Variants in MIA observed in about 807,000 individuals in gnomAD.
MIA encodes MIA SH3 domain containing.
In MIA, 18 loss-of-function variants were observed where a neutral mutation model predicts 18.5. That is an observed-to-expected ratio of 0.97 (90% CI 0.67 to 1.44). The LOEUF is 1.44. Ranked by LOEUF, MIA falls within the 40% of genes most tolerant of loss-of-function variation. The pLI is 0.00. For missense variants in MIA, 158 were observed against 172.4 expected, an observed-to-expected ratio of 0.92 and a Z score of 0.47; for synonymous variants, 55 against 64.9, an observed-to-expected ratio of 0.85 and a Z score of 0.74.
intron 2 of MIA, 149 bp downstream of exon 2, chr19:40,776,034 TA>T (rs2082993663): frequency 8.2e-7 from 1 of 1,221,022 alleles, no homozygotes; most frequent in African/African-American, 1.5e-5. Flanking sequence ...TATTATTTTT[TA>T]ATTTTTTCCG....
upstream of MIA, chr19:40,775,406 T>A: frequency 7.5e-7 from 1 of 1,328,552 alleles, no homozygotes. Context: ...TTCTAGGTGG[T>A]GTGGGCGAAG....
At chr19:40,776,943 C>T in intron 2 of MIA, 26 bp from the exon 3 acceptor site, 1 of 1,562,754 alleles carries the variant, frequency 6.4e-7, no homozygotes, top group Non-Finnish European at 8.8e-7. Context: ...CTTCCCAGAC[C>T]CTAGCTTTTA....
At chr19:40,775,513 C>T (rs765958883), upstream of MIA, 2 of 1,613,532 alleles carry the variant, frequency 1.2e-6, no homozygotes, top group Non-Finnish European at 1.7e-6. Context: ...CCCAGCACCC[C>T]CTTGCTCACT....
At chr19:40,775,419 T>A (rs530529866), upstream of MIA, 3 of 1,473,026 alleles carry the variant, frequency 2.0e-6, no homozygotes, top group African/African-American at 4.2e-5. Flanking sequence ...GGGCGAAGTT[T>A]GGGACTGGTT....
intron 3 of MIA, 106 bp downstream of exon 3, chr19:40,777,185 C>A: frequency 8.8e-7 from 1 of 1,140,376 alleles, no homozygotes; most frequent in Non-Finnish European, 1.3e-6. Flanking sequence ...TAGGTATGTG[C>A]GCTGGGAGAA....
chr19:40,775,274 G>A (rs929108250), upstream of MIA: 1 of 493,092 alleles, frequency 2.0e-6, no homozygotes, highest in African/African-American at 1.9e-5. Context: ...CTAGGCCTCT[G>A]TGATTGTTGA....
At chr19:40,777,191 G>A in intron 3 of MIA, 112 bp downstream of exon 3, 5 of 1,136,256 alleles carry the variant, frequency 4.4e-6, no homozygotes, top group Admixed American at 3.8e-5. Flanking sequence ...TGTGCGCTGG[G>A]AGAAATTCTT....
At chr19:40,776,764 G>T (rs2083000103) in intron 2 of MIA, 1 of 467,306 alleles carries the variant, frequency 2.1e-6, no homozygotes, top group Admixed American at 3.9e-5. Flanking sequence ...AATAATAAAA[G>T]CAAATATGCG....
upstream of MIA, chr19:40,775,477 G>A (rs963403689): frequency 1.2e-6 from 2 of 1,609,272 alleles, no homozygotes; most frequent in African/African-American, 2.7e-5. Flanking sequence ...TACTACGGGA[G>A]AGAGGGAGGG....
In MIA at chr19:40,775,900, A is replaced by G; in HGVS notation, c.261+15A>G. Reference sequence around the variant, plus strand: ...GGGGAGGCAGCGTGAGTCTTGGGAGAGTGAAAGAGGGAAGGGTACAGAGCT... The same window carrying G: ...GGGGAGGCAGCGTGAGTCTTGGGAGGGTGAAAGAGGGAAGGGTACAGAGCT... On this transcript the variant is annotated intron_variant, in intron 2 of 3. Transcript: ENST00000263369. 5 of 1,613,148 alleles carry G rather than the reference A, an allele frequency of 3.1e-6. No homozygotes were observed. Among genetic ancestry groups the G allele is most frequent in the South Asian group, 1.1e-5 (1 of 91,034 alleles).
chr19:40,777,215 T>A (rs2083003882), intron 3 of MIA, 136 bp downstream of exon 3: 1 of 1,094,948 alleles, frequency 9.1e-7, no homozygotes, highest in Non-Finnish European at 1.4e-6. Flanking sequence ...CTGCCTCAAT[T>A]TTCTCACCAG....
chr19:40,775,653 G>T lies in MIA; in HGVS notation c.111G>T (p.Ala37=). The change falls in exon 1 of 4, where the codon GCG becomes GCT. Residue 37 remains alanine, a synonymous_variant. Transcript: ENST00000263369. ...MPKLADRKLC[A]DQECSHPISM... is the part of the protein sequence containing the mutation. ...AGCTGGCTGACCGGAAGCTGTGTGC[G>T]GACCAGGAGTGCAGCCGTAAGAATG... 1 of 1,614,114 alleles carries T rather than the reference G, an allele frequency of 6.2e-7. No homozygotes were observed. Among genetic ancestry groups the T allele is most frequent in the Non-Finnish European group, 8.5e-7 (1 of 1,180,016 alleles).
intron 3 of MIA, 66 bp from the exon 4 acceptor site, chr19:40,777,331 A>G: frequency 1.3e-6 from 2 of 1,587,512 alleles, no homozygotes; most frequent in Non-Finnish European, 1.7e-6. Context: ...CTTTGCTAAA[A>G]CCACTAGATC....
In MIA at chr19:40,777,424, C is replaced by T. The variant is rs1016428102; in HGVS notation, c.*4C>T. ...ATGGGATTTCTACTGCCAGTGAGCT[C>T]AGCCTACCGCTGGCCCTGCCGTTTC... On this transcript the variant is annotated 3_prime_UTR_variant, in exon 4 of 4. Coordinates refer to ENST00000263369, the MANE Select transcript of MIA (RefSeq NM_006533.4). The T allele has an allele frequency of 8.1e-6, 13 of 1,613,476 alleles. No homozygotes were observed. Among genetic ancestry groups the T allele is most frequent in the South Asian group, 1.1e-5 (1 of 91,056 alleles).
chr19:40,777,071 A>C lies in MIA; in HGVS notation c.364A>C (p.Lys122Gln). ...QTLKPGKVDV[K>Q]TDKWDFYCQ The stretch of plus-strand genomic sequence containing the variant: ...CCTGAAACCTGGCAAAGTCGATGTG[A>C]AGACAGACGTGAGTGTCATGGGGGC... Residue 122 changes from lysine to glutamine, a missense_variant, in exon 3 of 4, where the codon AAG becomes CAG. By Grantham distance (53) the Lys-to-Gln change is moderately conservative. Coordinates refer to ENST00000263369, the MANE Select transcript of MIA (RefSeq NM_006533.4). The C allele has an allele frequency of 6.2e-7, 1 of 1,612,038 alleles. No individual in the cohort carries two copies. The highest frequency in any genetic ancestry group is 8.5e-7 in the Non-Finnish European group (1 of 1,179,292).
intron 2 of MIA, 52 bp downstream of exon 2, chr19:40,775,937 A>C: frequency 8.8e-6 from 14 of 1,590,802 alleles, no homozygotes; most frequent in Middle Eastern, 1.7e-4. Context: ...GGGTAGACTC[A>C]TTATCCCCAT....
rs779354122 is a variant in MIA, at chr19:40,777,020, A to G, written c.313A>G (p.Ser105Gly). 2 of 1,613,858 alleles carry G rather than the reference A, an allele frequency of 1.2e-6. No homozygotes were observed. The highest frequency in any genetic ancestry group is 2.2e-5 in the East Asian group (1 of 44,890). ...DLAARLGYFP[S>G]SIVREDQTLK... ...GGCTGCTCGCCTGGGCTATTTCCCC[A>G]GTAGCATTGTCCGAGAGGACCAGAC... The change falls in exon 3 of 4, where the codon AGT becomes GGT. Residue 105 changes from serine (S) to glycine (G), a missense_variant. Transcript: ENST00000263369.
upstream of MIA, chr19:40,775,472 C>T: frequency 3.7e-6 from 6 of 1,606,252 alleles, no homozygotes; most frequent in East Asian, 2.2e-5. Flanking sequence ...CCTTGTACTA[C>T]GGGAGAGAGG....
chr19:40,777,348 G>A, intron 3 of MIA, 49 bp from the exon 4 acceptor site: 1 of 1,607,610 alleles, frequency 6.2e-7, no homozygotes, highest in Non-Finnish European at 8.5e-7. Context: ...GATCCTTTGT[G>A]GTGTGACCGC....
Sources: gnomAD v4.1 joint callset for allele counts on GRCh38, gnomAD v4.1.1 for gene constraint, MANE v1.5 for transcripts, NCBI Gene and HGNC (gene_info 2026-07-23, HGNC 2026-07-21) for gene names.